The following AVL9 variants were observed in gnomAD, a reference collection of about 807,000 sequenced individuals.
AVL9 encodes AVL9 cell migration associated, also known as late secretory pathway protein AVL9 homolog.
A neutral mutation model predicts 79.2 loss-of-function variants in AVL9; 49 were observed. The ratio of observed to expected loss-of-function variants is 0.62; its 90% CI spans 0.49 to 0.79. The LOEUF is 0.79. AVL9 is among the 30% of genes least tolerant of loss of function. The pLI, the probability that AVL9 is intolerant of heterozygous loss-of-function variation, is 0.00. For missense variants in AVL9, 682 were observed against 776.8 expected (o/e 0.88, Z 1.45); for synonymous variants, 299 against 280.6 (o/e 1.07, Z -0.65).
At chr7:32,575,878 A>T in intron 12 of AVL9, 77 bp from the exon 13 acceptor site, 1 of 1,027,292 alleles carries the variant, frequency 9.7e-7, no homozygotes, top group Non-Finnish European at 1.5e-6. Context: ...TCGTTCCTTT[A>T]CCCTTTTTGG....
chr7:32,548,142 C>CTCTG (rs1357963133), intron 3 of AVL9, among the ~76,000 whole-genome samples: 8 of 60,448 alleles, frequency 1.3e-4, no homozygotes, highest in African/African-American at 4.8e-4. Context: ...TTTTTGTCAT[C>CTCTG]TCTTTTTTCT....
At position 32,584,100 on chromosome 7, in the gene AVL9, C is replaced by T; in HGVS notation, c.*193C>T. The stretch of plus-strand genomic sequence containing the variant: ...CACAGCCATAGCAGGGATGGCTTTC[C>T]AGGTTGGGGTTTCAATTGACTACTT... On this transcript the variant is annotated 3_prime_UTR_variant, in exon 16 of 16. Transcript: ENST00000318709. 1.6e-6 allele frequency: 1 copy of T among 633,662 alleles called. No homozygotes were observed. The highest frequency in any genetic ancestry group is 1.8e-5 in the South Asian group (1 of 55,966). 39.3% of individuals were successfully genotyped at this position (633,662 alleles called of 1,614,324 possible).
At chr7:32,580,640 A>G (rs1384293433) in intron 14 of AVL9, 162 bp from the exon 15 acceptor site, 2 of 605,248 alleles carry the variant, frequency 3.3e-6, no homozygotes, top group East Asian at 2.8e-5. Context: ...AGGTTAATAA[A>G]TTAATTCATA....
chr7:32,566,944 ATTG>A (rs1404790536), intron 10 of AVL9, among the ~76,000 whole-genome samples: 2 of 152,168 alleles, frequency 1.3e-5, no homozygotes, highest in Non-Finnish European at 2.9e-5. Context: ...TATTTCAAGT[ATTG>A]TTCTGTTTTG....
intron 10 of AVL9, among the ~76,000 whole-genome samples, chr7:32,564,923 C>G (rs1025308976): frequency 6.6e-6 from 1 of 152,134 alleles, no homozygotes; most frequent in South Asian, 2.1e-4. Context: ...CACTTTCTAA[C>G]CAGAGGAACA....
At chr7:32,524,117 G>A (rs1249561269) in intron 1 of AVL9, among the ~76,000 whole-genome samples, 2 of 151,668 alleles carry the variant, frequency 1.3e-5, no homozygotes, top group African/African-American at 4.8e-5. Flanking sequence ...CCAAAGTGCT[G>A]GGATTACAGC....
chr7:32,570,934 G>C (rs558786863), intron 11 of AVL9, among the ~76,000 whole-genome samples: 11 of 142,724 alleles, frequency 7.7e-5, no homozygotes, highest in African/African-American at 2.5e-4. Flanking sequence ...AATAATTTTT[G>C]AGAAATTTTA....
intron 3 of AVL9, among the ~76,000 whole-genome samples, chr7:32,545,345 C>G (rs6946390): frequency 0.27 from 36,656 of 138,158 alleles, 5,053 homozygotes; most frequent in Admixed American, 0.34. Context: ...ATAAGCTGTC[C>G]TATTTATCTC....
intron 1 of AVL9, among the ~76,000 whole-genome samples, chr7:32,525,086 G>A (rs563162537): frequency 7.9e-5 from 12 of 152,292 alleles, no homozygotes; most frequent in African/African-American, 2.4e-4. Context: ...TGTTTGGCTC[G>A]TGAATGGCAG....
intron 1 of AVL9, 85 bp downstream of exon 1, chr7:32,495,887 C>A: frequency 2.2e-6 from 2 of 918,388 alleles, no homozygotes; most frequent in Non-Finnish European, 1.5e-6. Flanking sequence ...GTGTGCTCAG[C>A]TCGCGTCGTG....
At chr7:32,509,755 G>A (rs1787574267) in intron 1 of AVL9, among the ~76,000 whole-genome samples, 1 of 152,144 alleles carries the variant, frequency 6.6e-6, no homozygotes, top group African/African-American at 2.4e-5. Context: ...GGAGGCTGAA[G>A]TGGGAGAATC....
Position 32,575,973 on chromosome 7 carries a change from C to T in AVL9, c.1589C>T (p.Ser530Leu), listed in dbSNP as rs965115727. 12 of 1,611,228 alleles carry T rather than the reference C, an allele frequency of 7.4e-6. No individual in the cohort carries two copies. Among genetic ancestry groups the T allele is most frequent in the Admixed American group, 1.7e-5 (1 of 59,990 alleles). The change falls in exon 13 of 16, where the codon TCG (serine) becomes TTG (leucine). Residue 530 changes from serine (S) to leucine (L), a missense_variant. By Grantham distance (145) the Ser-to-Leu change is moderately radical. Transcript: ENST00000318709. ...TTGACAGACAATGAAAAGATATTAT[C>T]GGACTATGGGACAACTTTTGTTACA... is the stretch of plus-strand genomic sequence containing the variant. ...TLQLDNEKIL[S>L]DYGTTFVTAW...
rs1791866396 is a variant in AVL9 at position 32,587,909 on chromosome 7, A to G, written c.*4002A>G. ...TTTTCATATGAATGACTTTGTACAC[A>G]TGACTTCCTGCTTTCATTATGAAGG... On this transcript the variant is annotated 3_prime_UTR_variant, in exon 16 of 16. Coordinates refer to ENST00000318709, the MANE Select transcript of AVL9 (RefSeq NM_015060.3). The G allele has an allele frequency of 6.6e-6, 1 of 152,214 alleles. No individual in the cohort carries two copies. Among genetic ancestry groups the G allele is most frequent in the Non-Finnish European group, 1.5e-5 (1 of 68,026 alleles). 9.4% of individuals were successfully genotyped at this position (152,214 alleles called of 1,614,324 possible).
At chr7:32,519,997 A>G (rs2392070) in intron 1 of AVL9, among the ~76,000 whole-genome samples, 35,567 of 152,190 alleles carry the variant, frequency 0.23, 4,936 homozygotes, top group Admixed American at 0.34. Context: ...TCACTATCAC[A>G]AGAACAGCAA....
At chr7:32,522,752 C>T (rs917518868) in intron 1 of AVL9, among the ~76,000 whole-genome samples, 4 of 152,090 alleles carry the variant, frequency 2.6e-5, no homozygotes, top group Non-Finnish European at 5.9e-5. Context: ...GGTGTGTCCT[C>T]ACCCAAATCT....
intron 7 of AVL9, 98 bp from the exon 8 acceptor site, chr7:32,554,460 T>G: frequency 1.5e-6 from 1 of 661,514 alleles, no homozygotes; most frequent in East Asian, 2.9e-5. Flanking sequence ...AGTGCTGTAT[T>G]TAGTATTACT....
At chr7:32,557,117 T>C (rs964731274) in intron 8 of AVL9, among the ~76,000 whole-genome samples, 2 of 138,056 alleles carry the variant, frequency 1.4e-5, no homozygotes, top group African/African-American at 5.5e-5. Flanking sequence ...AAATTTAACA[T>C]TGAGATAATA....
At chr7:32,535,747 G>T (rs149082784) in intron 1 of AVL9, 52 of 152,254 alleles carry the variant, frequency 3.4e-4, no homozygotes, top group African/African-American at 1.0e-3. Flanking sequence ...AATTTCTGGT[G>T]ATATGGTTTG....
At chr7:32,558,689 TAGAAATAA>T (rs1790192945) in intron 9 of AVL9, 61 bp downstream of exon 9, 2 of 1,373,776 alleles carry the variant, frequency 1.5e-6, no homozygotes, top group Non-Finnish European at 2.0e-6. Flanking sequence ...CCTAAACTTT[TAGAAATAA>T]AGTTTCAAAG....
Sources: allele counts gnomAD v4.1 joint callset (sites outside exome capture counted in the v4.1 genomes callset), GRCh38; gene constraint gnomAD v4.1.1; transcripts MANE v1.5; gene names NCBI Gene and HGNC (gene_info 2026-07-23, HGNC 2026-07-21).